Variants in GRB14 observed in about 807,000 individuals in gnomAD.
The protein encoded by GRB14 is growth factor receptor bound protein 14, also known as growth factor receptor-bound protein 14.
Under a neutral mutation model 69.1 loss-of-function variants are expected in GRB14, and 38 were observed. That is an observed-to-expected ratio of 0.55 (90% CI 0.42 to 0.72). The LOEUF is 0.72. GRB14 is among the 30% of genes least tolerant of loss of function. The pLI is 0.00. For synonymous variants in GRB14, 247 were observed against 241.3 expected, an observed-to-expected ratio of 1.02 and a Z score of -0.22; for missense variants, 666 against 666.1, an observed-to-expected ratio of 1.00 and a Z score of 0.00.
At chr2:164,504,304 G>C (rs1408738962) in intron 8 of GRB14, among the ~76,000 whole-genome samples, 2 of 152,014 alleles carry the variant, frequency 1.3e-5, no homozygotes, top group Non-Finnish European at 2.9e-5. Flanking sequence ...ATATCTCCTT[G>C]TTCATTCCCG....
At chr2:164,528,084 G>T (rs911147941) in intron 3 of GRB14, among the ~76,000 whole-genome samples, 20 of 152,076 alleles carry the variant, frequency 1.3e-4, no homozygotes, top group Non-Finnish European at 5.9e-5. Context: ...AGTATATACT[G>T]CATGATTCTA....
chr2:164,503,301 TTAAA>T (rs1687111305), intron 8 of GRB14, among the ~76,000 whole-genome samples: 1 of 151,756 alleles, frequency 6.6e-6, no homozygotes, highest in Admixed American at 6.6e-5. Context: ...ATAAAAGAGA[TTAAA>T]TAGACACCAT....
At chr2:164,508,319 A>G (rs1687243755) in intron 8 of GRB14, 136 bp downstream of exon 8, 2 of 637,414 alleles carry the variant, frequency 3.1e-6, no homozygotes, top group Admixed American at 5.8e-5. Flanking sequence ...TTTTAAAAAC[A>G]TACACATTTG....
intron 9 of GRB14, among the ~76,000 whole-genome samples, chr2:164,500,049 T>C (rs928231194): frequency 6.6e-6 from 1 of 152,046 alleles, no homozygotes; most frequent in Non-Finnish European, 1.5e-5. Flanking sequence ...GAGTGGGAAA[T>C]ACAGTGGAGG....
chr2:164,503,342 A>G (rs574198477), intron 8 of GRB14, among the ~76,000 whole-genome samples: 2 of 151,046 alleles, frequency 1.3e-5, no homozygotes, highest in Admixed American at 1.3e-4. Flanking sequence ...TGAAGGATAA[A>G]TTCTATTTAA....
At chr2:164,588,408 G>A (rs1014737841) in intron 2 of GRB14, among the ~76,000 whole-genome samples, 7 of 152,066 alleles carry the variant, frequency 4.6e-5, no homozygotes, top group African/African-American at 1.2e-4. Context: ...TTAAATCAAC[G>A]GACCATCTGG....
chr2:164,547,571 C>T, intron 3 of GRB14, 89 bp downstream of exon 3: 1 of 1,066,416 alleles, frequency 9.4e-7, no homozygotes, highest in Non-Finnish European at 1.3e-6. Flanking sequence ...TATCTCAAAA[C>T]ACCAAATCTA....
intron 12 of GRB14, among the ~76,000 whole-genome samples, chr2:164,496,243 T>C (rs1179681932): frequency 1.3e-5 from 2 of 152,192 alleles, no homozygotes; most frequent in Non-Finnish European, 2.9e-5. Flanking sequence ...CTTGTTTAAA[T>C]TGATAATGAT....
intron 12 of GRB14, among the ~76,000 whole-genome samples, chr2:164,495,750 G>A (rs1686876091): frequency 6.6e-6 from 1 of 152,132 alleles, no homozygotes; most frequent in Non-Finnish European, 1.5e-5. Flanking sequence ...GGGACAAAAG[G>A]GCGTTTCACT....
intron 2 of GRB14, among the ~76,000 whole-genome samples, chr2:164,589,346 T>C (rs1689606656): frequency 6.6e-6 from 1 of 152,206 alleles, no homozygotes; most frequent in Non-Finnish European, 1.5e-5. Flanking sequence ...ATATCCTATA[T>C]CCTTTGTCTT....
At chr2:164,617,466 T>C (rs1455369953) in intron 2 of GRB14, among the ~76,000 whole-genome samples, 1 of 152,048 alleles carries the variant, frequency 6.6e-6, no homozygotes, top group Non-Finnish European at 1.5e-5. Context: ...TCTGAGGAAA[T>C]GTCATCAATC....
rs117338138 is a variant in GRB14 at position 164,557,730 on chromosome 2, G to A, written c.325-9914C>T. Among the ~76,000 whole-genome samples the A allele has an allele frequency of 2.6e-4, 40 of 152,256 alleles. No homozygotes were observed. In the East Asian group the frequency reaches 6.8e-3, roughly 26 times the overall value. ...ATAGCTCTTATCATTAAGGTCGCAA[G>A]ATGGATCATCTCCACACCAGCTCTG... On this transcript the variant is annotated intron_variant, in intron 2 of 13. Coordinates refer to ENST00000263915, the MANE Select transcript of GRB14 (RefSeq NM_004490.3).
chr2:164,534,994 G>A (rs561925419), intron 3 of GRB14, among the ~76,000 whole-genome samples: 5 of 151,902 alleles, frequency 3.3e-5, no homozygotes, highest in East Asian at 3.9e-4. Context: ...GTTATTTTTC[G>A]GGCATTGGAA....
intron 3 of GRB14, among the ~76,000 whole-genome samples, chr2:164,546,435 C>A (rs1352870864): frequency 6.6e-6 from 1 of 152,264 alleles, no homozygotes; most frequent in East Asian, 1.9e-4. Context: ...CTCTCCCCAA[C>A]AGAAAACCAA....
chr2:164,555,700 A>G (rs1688662114), intron 2 of GRB14, among the ~76,000 whole-genome samples: 1 of 150,478 alleles, frequency 6.6e-6, no homozygotes, highest in African/African-American at 2.4e-5. Context: ...GACATATATA[A>G]TTTTTAAACA....
chr2:164,496,885 A>T, intron 12 of GRB14, 123 bp downstream of exon 12: 1 of 718,242 alleles, frequency 1.4e-6, no homozygotes, highest in Non-Finnish European at 2.4e-6. Flanking sequence ...TTTATAGAAC[A>T]ATGTCACTTC....
chr2:164,512,971 T>C (rs1687378088), intron 6 of GRB14, among the ~76,000 whole-genome samples: 1 of 152,244 alleles, frequency 6.6e-6, no homozygotes, highest in Admixed American at 6.5e-5. Context: ...TGTTTATTTT[T>C]ATTTTCTATT....
intron 6 of GRB14, among the ~76,000 whole-genome samples, chr2:164,516,344 C>T (rs1687485295): frequency 6.6e-6 from 1 of 152,000 alleles, no homozygotes; most frequent in Non-Finnish European, 1.5e-5. Context: ...AAAAGAAAAC[C>T]TACCATGGTG....
At chr2:164,543,680 T>A (rs1473976466) in intron 3 of GRB14, among the ~76,000 whole-genome samples, 2 of 152,106 alleles carry the variant, frequency 1.3e-5, no homozygotes, top group African/African-American at 4.8e-5. Context: ...TAACAAAGAG[T>A]ATCTGTAGCT....
Sources: allele counts gnomAD v4.1 joint callset (sites outside exome capture counted in the v4.1 genomes callset), GRCh38; gene constraint gnomAD v4.1.1; transcripts MANE v1.5; gene names NCBI Gene and HGNC (gene_info 2026-07-23, HGNC 2026-07-21).